The following CCDC88C variants were observed in gnomAD, a reference collection of about 807,000 sequenced individuals.
The protein encoded by CCDC88C is coiled-coil and HOOK domain protein 88C.
CCDC88C carries 131 observed loss-of-function variants against 198.8 expected under a neutral mutation model. That is an observed-to-expected ratio of 0.66 (90% CI 0.57 to 0.76). The LOEUF (loss-of-function observed/expected upper bound fraction) is 0.76, where lower values mean the gene tolerates loss of function less well. Ranked by LOEUF, CCDC88C falls within the 30% of genes least tolerant of loss-of-function variation. The pLI, the probability that CCDC88C is intolerant of heterozygous loss-of-function variation, is 0.00. For missense variants in CCDC88C, 2,553 were observed against 2,631.6 expected, an observed-to-expected ratio of 0.97 and a Z score of 0.65; for synonymous variants, 1,166 against 1,114.7, an observed-to-expected ratio of 1.05 and a Z score of -0.92.
At chr14:91,359,981 A>T (rs1204382729) in intron 3 of CCDC88C, among the ~76,000 whole-genome samples, 5 of 152,352 alleles carry the variant, frequency 3.3e-5, no homozygotes, top group Admixed American at 6.5e-5. Context: ...AAGCATATTT[A>T]AAAAATAAAA....
chr14:91,360,716 C>A (rs1381783371), intron 3 of CCDC88C, among the ~76,000 whole-genome samples: 1 of 152,218 alleles, frequency 6.6e-6, no homozygotes, highest in Non-Finnish European at 1.5e-5. Flanking sequence ...ATCAGTCATG[C>A]CCGCTCGTCT....
intron 20 of CCDC88C, 21 bp downstream of exon 20, chr14:91,303,680 C>A (rs1379432750): frequency 6.5e-7 from 1 of 1,548,402 alleles, no homozygotes. Flanking sequence ...CCCCAGATCC[C>A]CTTCCTTCCC....
rs148641099 is a variant in CCDC88C, at chr14:91,326,994, A to G, written c.1051-938T>C. 2.4e-3 allele frequency among the ~76,000 whole-genome samples: 363 copies of G among 152,306 alleles called. 1 individual carries two copies. The highest frequency in any genetic ancestry group is 7.8e-3 in the African/African-American group (323 of 41,568). Reference sequence around the variant, plus strand: ...CAGGCAGTGATGTGCACAAGGGAAGAAGTCAGTCCAGGGCGCACATCTCCA... The same window carrying G: ...CAGGCAGTGATGTGCACAAGGGAAGGAGTCAGTCCAGGGCGCACATCTCCA... On this transcript the variant is annotated intron_variant, in intron 10 of 29. Coordinates refer to ENST00000389857, the MANE Select transcript of CCDC88C (RefSeq NM_001080414.4).
intron 3 of CCDC88C, among the ~76,000 whole-genome samples, chr14:91,374,473 A>G (rs1894982652): frequency 6.6e-6 from 1 of 152,238 alleles, no homozygotes; most frequent in Admixed American, 6.5e-5. Context: ...AGTGACAGAA[A>G]ACATAGCTCT....
chr14:91,341,731 C>T (rs189846755), intron 6 of CCDC88C, among the ~76,000 whole-genome samples: 2 of 152,318 alleles, frequency 1.3e-5, no homozygotes, highest in African/African-American at 2.4e-5. Context: ...CTAGGGTGGG[C>T]GGCCTCCTTA....
At chr14:91,348,086 A>G (rs1596097993) in intron 4 of CCDC88C, among the ~76,000 whole-genome samples, 1 of 152,040 alleles carries the variant, frequency 6.6e-6, no homozygotes, top group African/African-American at 2.4e-5. Flanking sequence ...GCTCACTGCA[A>G]CCTCTGCCTC....
chr14:91,345,839 T>C (rs1470620850), intron 4 of CCDC88C, among the ~76,000 whole-genome samples: 5 of 151,996 alleles, frequency 3.3e-5, no homozygotes, highest in Non-Finnish European at 7.4e-5. Context: ...CCAGGAACTG[T>C]GTGTCCCAGA....
chr14:91,323,474 C>T (rs573301050), intron 12 of CCDC88C, among the ~76,000 whole-genome samples: 53 of 152,330 alleles, frequency 3.5e-4, no homozygotes, highest in African/African-American at 1.3e-3. Flanking sequence ...GCAGAGAAGC[C>T]AAGGCTTTAT....
intron 25 of CCDC88C, among the ~76,000 whole-genome samples, chr14:91,287,283 C>T (rs775886220): frequency 5.3e-5 from 8 of 152,232 alleles, no homozygotes; most frequent in South Asian, 2.1e-4. Context: ...CCCTGTCTTA[C>T]GGTGCTGACT....
chr14:91,294,057 C>A, intron 23 of CCDC88C, 116 bp downstream of exon 23: 3 of 1,181,608 alleles, frequency 2.5e-6, no homozygotes, highest in Non-Finnish European at 3.7e-6. Context: ...GCCCTGCCCT[C>A]AGGATCCCAA....
rs748626334 is a variant in CCDC88C, at chr14:91,315,692, C to T, written c.1623G>A (p.Leu541=). 2 of 1,613,968 alleles carry T rather than the reference C, an allele frequency of 1.2e-6. No homozygotes were observed. Among genetic ancestry groups the T allele is most frequent in the South Asian group, 2.2e-5 (2 of 91,054 alleles). The change falls in exon 14 of 30, where the codon CTG becomes CTA. Residue 541 remains leucine, a synonymous_variant. Coordinates refer to ENST00000389857, the MANE Select transcript of CCDC88C (RefSeq NM_001080414.4). ...SEELIREKEQ[L]QSDMETLKAD... is the part of the protein sequence containing the mutation. ...CCTTCAGGGTCTCCATGTCACTCTG[C>T]AGCTGCTCCTTCTCTCTGATCAGCT...
In CCDC88C at chr14:91,339,384, C is replaced by T. The variant is rs1393580848; in HGVS notation, c.703G>A (p.Asp235Asn). Reference sequence around the variant, plus strand: ...CTGCTGGTGGGGCTGGGAGTGGAGTCGGCGCTGGAGGACTTGATGGGGCTG... The same window carrying T: ...CTGCTGGTGGGGCTGGGAGTGGAGTTGGCGCTGGAGGACTTGATGGGGCTG... ...PPSPIKSSSA[D>N]STPSPTSSLS... The change falls in exon 8 of 30, where the codon GAC (aspartate) becomes AAC (asparagine). Residue 235 changes from aspartate to asparagine, a missense_variant. Physicochemically the swap from Asp to Asn is conservative, Grantham distance 23. This residue lies in a region of CCDC88C where 1,260 missense variants were observed against 1,412.0 expected (regional missense o/e 0.89). Coordinates refer to ENST00000389857, the MANE Select transcript of CCDC88C (RefSeq NM_001080414.4). The surrounding 1 kb of genome is among the most constrained non-coding windows in gnomAD (Gnocchi z 5.8). 8 of 1,613,416 alleles carry T rather than the reference C, an allele frequency of 5.0e-6. No individual in the cohort carries two copies. The highest frequency in any genetic ancestry group is 2.2e-5 in the East Asian group (1 of 44,868).
Position 91,291,029 on chromosome 14 carries a change from C to G in CCDC88C, c.4168G>C (p.Asp1390His). ...GGAGGATCATAGAACTTGTATTGAT[C>G]CATGATTTTTTCTTCCAGCTTTTCC... ...HKEKLEEKIMDQYKFYDPPPK... is the reference protein window; with the variant it reads ...HKEKLEEKIMHQYKFYDPPPK... Residue 1390 changes from aspartate (D) to histidine (H), a missense_variant, in exon 24 of 30, where the codon GAT becomes CAT. Physicochemically the swap from Asp to His is moderately conservative, Grantham distance 81 (BLOSUM62 -1). Around this residue, in one of 2 missense-constraint regions of CCDC88C, gnomAD observed 1,293 missense variants for 1,219.6 expected, o/e 1.06. Transcript: ENST00000389857. 1 of 1,592,716 alleles carries G rather than the reference C, an allele frequency of 6.3e-7. No homozygotes were observed. The highest frequency in any genetic ancestry group is 8.6e-7 in the Non-Finnish European group (1 of 1,166,460).
In CCDC88C at chr14:91,272,895, G is replaced by T; in HGVS notation, c.5817C>A (p.Thr1939=). Residue 1939 remains threonine, a synonymous_variant, in exon 30 of 30, where the codon ACC becomes ACA. Transcript: ENST00000389857. ...FSPAAAPAAR[T]KPKAPPRSGE... is the part of the protein sequence containing the mutation. ...CTGAGCGTGGGGGCGCCTTGGGCTT[G>T]GTCCTGGCAGCCGGGGCTGCAGCAG... is the stretch of plus-strand genomic sequence containing the variant. 2 of 1,585,562 alleles carry T rather than the reference G, an allele frequency of 1.3e-6. No homozygotes were observed. Among genetic ancestry groups the T allele is most frequent in the South Asian group, 1.1e-5 (1 of 88,500 alleles).
intron 3 of CCDC88C, among the ~76,000 whole-genome samples, chr14:91,407,448 C>T (rs1285835): frequency 0.58 from 88,375 of 151,966 alleles, 26,180 homozygotes; most frequent in East Asian, 0.85. Flanking sequence ...GGCACAGGTC[C>T]CAGGCGGAGT....
chr14:91,371,552 G>C lies in CCDC88C; in HGVS notation c.271-11841C>G, dbSNP rs1182869300. Among the ~76,000 whole-genome samples the C allele has an allele frequency of 6.6e-6, 1 of 152,086 alleles. No individual in the cohort carries two copies. Among genetic ancestry groups the C allele is most frequent in the Non-Finnish European group, 1.5e-5 (1 of 68,004 alleles). On this transcript the variant is annotated intron_variant, in intron 3 of 29. Transcript: ENST00000389857. The surrounding 1 kb of genome is among the most constrained non-coding windows in gnomAD (Gnocchi z 4.2). ...ACAGTCTTGGTCCCGAGGAGCCTGT[G>C]GAGTCACAGACTGGGACCAAGACTG...
intron 19 of CCDC88C, among the ~76,000 whole-genome samples, chr14:91,304,646 G>C (rs1048388906): frequency 1.3e-5 from 2 of 152,024 alleles, no homozygotes; most frequent in African/African-American, 4.8e-5. Flanking sequence ...CTGTAAATAA[G>C]GATATAGAAT....
chr14:91,392,803 G>A (rs954989054), intron 3 of CCDC88C, among the ~76,000 whole-genome samples: 2 of 149,022 alleles, frequency 1.3e-5, no homozygotes, highest in Non-Finnish European at 2.9e-5. Flanking sequence ...CTCTCACTGA[G>A]CCCCCTCACT....
chr14:91,378,862 G>A (rs1168220349), intron 3 of CCDC88C: 2 of 152,158 alleles, frequency 1.3e-5, no homozygotes, highest in African/African-American at 2.4e-5. Context: ...TTGTGTGATC[G>A]TGTCTTCGTG....
Sources: allele counts gnomAD v4.1 joint callset (sites outside exome capture counted in the v4.1 genomes callset), GRCh38; gene constraint gnomAD v4.1.1; regional missense constraint gnomAD v4.1.1; non-coding constraint Gnocchi (gnomAD v3.1); transcripts MANE v1.5; gene names NCBI Gene and HGNC (gene_info 2026-07-23, HGNC 2026-07-21).